Variants in FRRS1 observed in about 807,000 individuals in gnomAD.
FRRS1 encodes ferric chelate reductase 1.
FRRS1 carries 51 observed loss-of-function variants against 70.7 expected under a neutral mutation model. That is an observed-to-expected ratio of 0.72 (90% confidence interval 0.58 to 0.91). The LOEUF (loss-of-function observed/expected upper bound fraction) is 0.91. FRRS1 is among the 40% of genes least tolerant of loss of function. The pLI is 0.00. For missense variants in FRRS1, 672 were observed against 726.0 expected (o/e 0.93, Z 0.86); for synonymous variants, 225 against 238.7 (o/e 0.94, Z 0.53).
rs565941895 is a variant in FRRS1, at chr1:99,762,662, G to A, written c.-106+3945C>T. Reference sequence around the variant, plus strand: ...TAACAAAAAACTCAATTTGTCTGAAGTGAAATTCATATTTTCCTCCAGACT... The same window carrying A: ...TAACAAAAAACTCAATTTGTCTGAAATGAAATTCATATTTTCCTCCAGACT... On this transcript the variant is annotated intron_variant, in intron 1 of 16. Coordinates refer to ENST00000646001, the MANE Select transcript of FRRS1 (RefSeq NM_001361041.2). 2.0e-5 allele frequency among the ~76,000 whole-genome samples: 3 copies of A among 152,198 alleles called. No individual in the cohort carries two copies. In the East Asian group the frequency reaches 5.8e-4, roughly 29 times the overall value.
Position 99,704,100 on chromosome 1 carries a change from T to C in FRRS1, c.*4928A>G, listed in dbSNP as rs965383474. Among the ~76,000 whole-genome samples, 9 of 152,152 alleles carry C rather than the reference T, an allele frequency of 5.9e-5. No homozygotes were observed. The highest frequency in any genetic ancestry group is 7.4e-5 in the Non-Finnish European group (5 of 68,022). On this transcript the variant is annotated 3_prime_UTR_variant, in exon 17 of 17. Transcript: ENST00000646001. ...CTGCAATCAAATGGCAAAGACATCA[T>C]CAAAAACATGTACGAAGCAAGCACC...
At position 99,726,854 on chromosome 1, in the gene FRRS1, A is replaced by C. The variant is rs1434569160; in HGVS notation, c.1006+1639T>G. On this transcript the variant is annotated intron_variant, in intron 9 of 16. Coordinates refer to ENST00000646001, the MANE Select transcript of FRRS1 (RefSeq NM_001361041.2). ...CCTGAGTAGCTAGGACCACAGGTGC[A>C]CACTACCACACCCAGCTAATTTCTA... Among the ~76,000 whole-genome samples the C allele has an allele frequency of 2.0e-5, 3 of 152,164 alleles. No homozygotes were observed. In the East Asian group the frequency reaches 5.8e-4, roughly 29 times the overall value.
intron 4 of FRRS1, among the ~76,000 whole-genome samples, chr1:99,743,506 G>A (rs1656077096): frequency 6.6e-6 from 1 of 151,826 alleles, no homozygotes; most frequent in Non-Finnish European, 1.5e-5. Flanking sequence ...AAATATATAG[G>A]TATTAGTCTA....
At chr1:99,709,148 A>C in intron 16 of FRRS1, 28 bp from the exon 17 acceptor site, 1 of 1,607,592 alleles carries the variant, frequency 6.2e-7, no homozygotes, top group Non-Finnish European at 8.5e-7. Flanking sequence ...ATATGAAAAA[A>C]AAAAGTATTA....
At chr1:99,733,370 G>A (rs1234093069) in intron 7 of FRRS1, among the ~76,000 whole-genome samples, 3 of 152,228 alleles carry the variant, frequency 2.0e-5, no homozygotes, top group Non-Finnish European at 4.4e-5. Context: ...GAGATCAGTA[G>A]CAGTGAACAT....
At position 99,706,212 on chromosome 1, in the gene FRRS1, T is replaced by A. The variant is rs114202277; in HGVS notation, c.*2816A>T. On this transcript the variant is annotated 3_prime_UTR_variant, in exon 17 of 17. Transcript: ENST00000646001. ...GATCAGCCTGGGCAACAAAGGGAGATCCCTTCTCTACCAAAAAAAAAAAAA... is the reference window on the plus strand; with the variant it reads ...GATCAGCCTGGGCAACAAAGGGAGAACCCTTCTCTACCAAAAAAAAAAAAA... Among the ~76,000 whole-genome samples the A allele has an allele frequency of 4.7e-3, 678 of 145,110 alleles. 8 individuals are homozygous for A. Among genetic ancestry groups the A allele is most frequent in the African/African-American group, 0.017 (648 of 37,340 alleles).
chr1:99,757,772 T>C (rs377316271), intron 1 of FRRS1, among the ~76,000 whole-genome samples: 7 of 152,342 alleles, frequency 4.6e-5, no homozygotes, highest in South Asian at 2.1e-4. Flanking sequence ...TTTTCTTTTA[T>C]TTTGGCACAA....
At chr1:99,715,556 T>TA (rs746882771) in intron 12 of FRRS1, 30 bp downstream of exon 12, 266 of 1,300,974 alleles carry the variant, frequency 2.0e-4, no homozygotes, top group Non-Finnish European at 2.5e-4. Context: ...AATGGATTTA[T>TA]AAAAAAAACC....
At chr1:99,752,587 A>G (rs1199534679) in intron 1 of FRRS1, among the ~76,000 whole-genome samples, 1 of 152,180 alleles carries the variant, frequency 6.6e-6, no homozygotes, top group Non-Finnish European at 1.5e-5. Flanking sequence ...ACAGATCACC[A>G]TAACAGATAT....
intron 1 of FRRS1, among the ~76,000 whole-genome samples, chr1:99,763,627 G>C (rs1259648461): frequency 6.6e-6 from 1 of 152,112 alleles, no homozygotes; most frequent in African/African-American, 2.4e-5. Flanking sequence ...CCAGCACTTT[G>C]GGAGGCCCAG....
At position 99,708,969 on chromosome 1, in the gene FRRS1, G is replaced by C; in HGVS notation, c.*59C>G. 6.2e-7 allele frequency: 1 copy of C among 1,613,982 alleles called. No homozygotes were observed. The highest frequency in any genetic ancestry group is 1.1e-5 in the South Asian group (1 of 91,080). On this transcript the variant is annotated 3_prime_UTR_variant, in exon 17 of 17. Transcript: ENST00000646001. ...TCCAGGCAGTCAGGACAGGCTTCAA[G>C]TTTCTTTGGTTTGATGATAATTATC...
intron 9 of FRRS1, among the ~76,000 whole-genome samples, chr1:99,720,834 AACACACACACACACAC>A (rs57397996): frequency 1.1e-3 from 156 of 137,334 alleles, no homozygotes; most frequent in Non-Finnish European, 1.8e-3. Context: ...AGCATTTCCT[AACACACACACACACAC>A]ACACACACAC....
At chr1:99,731,138 A>T (rs986239326) in intron 7 of FRRS1, among the ~76,000 whole-genome samples, 2 of 152,238 alleles carry the variant, frequency 1.3e-5, no homozygotes, top group Non-Finnish European at 2.9e-5. Flanking sequence ...AAAAAGAAGC[A>T]GACTGTAACT....
chr1:99,745,671 G>A (rs1055388923), intron 4 of FRRS1, among the ~76,000 whole-genome samples: 5 of 110,358 alleles, frequency 4.5e-5, no homozygotes, highest in African/African-American at 1.5e-4. Context: ...ATGACAGAGC[G>A]AGACTCTGTC....
intron 7 of FRRS1, among the ~76,000 whole-genome samples, chr1:99,737,678 T>A (rs1286260500): frequency 6.6e-6 from 1 of 152,238 alleles, no homozygotes; most frequent in Admixed American, 6.5e-5. Flanking sequence ...TAGCTTCTCC[T>A]GGATGATCAT....
At chr1:99,721,249 G>T (rs982058083) in intron 9 of FRRS1, among the ~76,000 whole-genome samples, 1 of 151,808 alleles carries the variant, frequency 6.6e-6, no homozygotes, top group African/African-American at 2.4e-5. Context: ...TGCGCTGGTG[G>T]GCACCTGTAA....
intron 4 of FRRS1, among the ~76,000 whole-genome samples, chr1:99,743,195 G>A (rs1434863788): frequency 6.6e-6 from 1 of 152,238 alleles, no homozygotes; most frequent in Non-Finnish European, 1.5e-5. Flanking sequence ...GAAAAAGTCT[G>A]ATTGTTGTAA....
intron 9 of FRRS1, among the ~76,000 whole-genome samples, chr1:99,727,194 T>A (rs939212993): frequency 6.6e-6 from 1 of 152,208 alleles, no homozygotes; most frequent in South Asian, 2.1e-4. Flanking sequence ...GAAGAATCTA[T>A]CTAAAATGCT....
At chr1:99,748,866 C>T (rs992453739) in intron 2 of FRRS1, 31 bp downstream of exon 2, 2 of 818,760 alleles carry the variant, frequency 2.4e-6, no homozygotes, top group Admixed American at 2.8e-5. Flanking sequence ...TACTTGCTTT[C>T]TGTGTTCAGC....
Sources: allele counts gnomAD v4.1 joint callset (sites outside exome capture counted in the v4.1 genomes callset), GRCh38; gene constraint gnomAD v4.1.1; transcripts MANE v1.5; gene names NCBI Gene and HGNC (gene_info 2026-07-23, HGNC 2026-07-21).